The following RALB variants were observed in gnomAD, a reference collection of about 807,000 sequenced individuals.
The protein encoded by RALB is RAS like proto-oncogene B.
Under a neutral mutation model 21.3 loss-of-function variants are expected in RALB, and 16 were observed. The observed-to-expected ratio is 0.75, with a 90% CI of 0.51 to 1.14. The LOEUF (loss-of-function observed/expected upper bound fraction) is 1.14, where lower values mean the gene tolerates loss of function less well. Among genes scored for constraint, RALB ranks in the 50% most tolerant of loss-of-function variants. The pLI is 0.00. For missense variants in RALB, 161 were observed against 256.2 expected (o/e 0.63, Z 2.54); for synonymous variants, 93 against 96.1 (o/e 0.97, Z 0.19).
chr2:120,254,783 G>T (rs4849841), intron 1 of RALB, among the ~76,000 whole-genome samples: 105,609 of 152,016 alleles, frequency 0.69, 37,280 homozygotes, highest in Middle Eastern at 0.8. Context: ...GCTCAGGTGA[G>T]TCTCCCACCT....
Position 120,285,887 on chromosome 2 carries a change from A to G in RALB, c.128A>G (p.Tyr43Cys). ...TTATTTCCTCAGTTTGTAGAAGACT[A>G]TGAACCTACCAAAGCTGACAGTTAT... ...QFMYDEFVED[Y>C]EPTKADSYRK... is the part of the protein sequence containing the mutation. The change falls in exon 3 of 5, where the codon TAT becomes TGT. Residue 43 changes from tyrosine to cysteine, a missense_variant. Transcript: ENST00000272519. 1 of 1,613,124 alleles carries G rather than the reference A, an allele frequency of 6.2e-7. No homozygotes were observed. Among genetic ancestry groups the G allele is most frequent in the Non-Finnish European group, 8.5e-7 (1 of 1,179,108 alleles).
intron 1 of RALB, among the ~76,000 whole-genome samples, chr2:120,259,939 C>T (rs943893963): frequency 3.3e-5 from 5 of 152,214 alleles, no homozygotes; most frequent in Admixed American, 6.5e-5. Flanking sequence ...AGCGCAGTGC[C>T]GGTGGGCCAG....
intron 1 of RALB, among the ~76,000 whole-genome samples, chr2:120,273,597 A>G (rs933484545): frequency 3.9e-5 from 6 of 152,218 alleles, no homozygotes; most frequent in Non-Finnish European, 7.3e-5. Flanking sequence ...GAAAGGATCA[A>G]TTTTAGGGAG....
intron 1 of RALB, among the ~76,000 whole-genome samples, chr2:120,268,777 G>A (rs938332976): frequency 2.0e-5 from 3 of 152,062 alleles, no homozygotes; most frequent in Non-Finnish European, 2.9e-5. Context: ...TTTTTAAAGC[G>A]GAAGAAGAGG....
At chr2:120,288,342 G>GTTTGTTTT (rs1690218094) in intron 3 of RALB, among the ~76,000 whole-genome samples, 3 of 117,092 alleles carry the variant, frequency 2.6e-5, no homozygotes, top group Non-Finnish European at 5.0e-5. Flanking sequence ...GAAAATTTTA[G>GTTTGTTTT]TTTTTTTTTT....
chr2:120,267,954 G>C (rs1427030868), intron 1 of RALB, among the ~76,000 whole-genome samples: 1 of 152,078 alleles, frequency 6.6e-6, no homozygotes, highest in Non-Finnish European at 1.5e-5. Flanking sequence ...ACCATGCCCA[G>C]CTAATTTTTG....
chr2:120,288,665 A>T (rs764942928), intron 3 of RALB, among the ~76,000 whole-genome samples: 5 of 152,186 alleles, frequency 3.3e-5, no homozygotes, highest in Non-Finnish European at 5.9e-5. Context: ...TTTAGTTTTG[A>T]TTAGTACTTT....
chr2:120,265,045 T>A (rs1003414363), intron 1 of RALB, among the ~76,000 whole-genome samples: 1 of 152,276 alleles, frequency 6.6e-6, no homozygotes, highest in African/African-American at 2.4e-5. Flanking sequence ...TGAATAATGC[T>A]GATGTGAACA....
chr2:120,277,437 CTG>C (rs752694768), intron 1 of RALB, among the ~76,000 whole-genome samples: 5 of 146,400 alleles, frequency 3.4e-5, no homozygotes, highest in Admixed American at 6.9e-5. Flanking sequence ...GCCTCTGAGC[CTG>C]TGATATGAGC....
At chr2:120,269,032 C>T (rs1389996776) in intron 1 of RALB, among the ~76,000 whole-genome samples, 1 of 152,184 alleles carries the variant, frequency 6.6e-6, no homozygotes, top group African/African-American at 2.4e-5. Flanking sequence ...TAAATGGATA[C>T]ATCTGGACAT....
chr2:120,266,435 C>G (rs540273216), intron 1 of RALB, among the ~76,000 whole-genome samples: 5 of 152,134 alleles, frequency 3.3e-5, no homozygotes, highest in Non-Finnish European at 5.9e-5. Flanking sequence ...AGTAGAGACG[C>G]AGTTTCACTA....
At chr2:120,282,581 T>TA (rs1176605650) in intron 2 of RALB, among the ~76,000 whole-genome samples, 1 of 110,082 alleles carries the variant, frequency 9.1e-6, no homozygotes, top group Non-Finnish European at 1.9e-5. Flanking sequence ...CGGGGGTGGG[T>TA]AAGAGGAGGG....
chr2:120,279,530 A>G (rs1238133355), intron 2 of RALB, among the ~76,000 whole-genome samples: 1 of 152,256 alleles, frequency 6.6e-6, no homozygotes, highest in Non-Finnish European at 1.5e-5. Context: ...TAGCCTTTAC[A>G]TTGTATTATG....
At chr2:120,278,891 T>G in intron 2 of RALB, 113 bp downstream of exon 2, 1 of 986,686 alleles carries the variant, frequency 1.0e-6, no homozygotes, top group Middle Eastern at 3.5e-4. Flanking sequence ...GGAGCAAGTC[T>G]GTGTTGAGGT....
At position 120,277,991 on chromosome 2, in the gene RALB, ATG is replaced by A. The variant is rs954761393; in HGVS notation, c.-47-620_-47-619del. Among the ~76,000 whole-genome samples the A allele has an allele frequency of 3.5e-4, 44 of 126,990 alleles. 1 individual carries two copies. The highest frequency in any genetic ancestry group is 4.7e-4 in the African/African-American group (15 of 32,012). 83.3% of individuals were successfully genotyped at this position (126,990 alleles called of 152,430 possible). A position where few individuals can be genotyped will look rare whatever the true frequency, so the allele number is the denominator to read the frequency against. Reference sequence around the variant, plus strand: ...TGTGTGTGAATAAGAGCATGTGTGAATGTGTGTGCGAGTGTGTGAGCATGTGT... The same window carrying A: ...TGTGTGTGAATAAGAGCATGTGTGAATGTGTGCGAGTGTGTGAGCATGTGT... On this transcript the variant is annotated intron_variant, in intron 1 of 4. Coordinates refer to ENST00000272519, the MANE Select transcript of RALB (RefSeq NM_002881.3).
intron 3 of RALB, among the ~76,000 whole-genome samples, chr2:120,289,063 G>C (rs1413752467): frequency 6.6e-6 from 1 of 152,112 alleles, no homozygotes; most frequent in Non-Finnish European, 1.5e-5. Flanking sequence ...AGAAACTGCT[G>C]GTTGCGACCC....
Position 120,283,930 on chromosome 2 carries a change from G to A in RALB, c.115-1944G>A, listed in dbSNP as rs116219183. Among the ~76,000 whole-genome samples the A allele has an allele frequency of 9.8e-3, 1,496 of 152,330 alleles. 22 individuals carry two copies. Among genetic ancestry groups the A allele is most frequent in the Non-Finnish European group, 0.015 (1,017 of 68,026 alleles). ...GGGTAATCAGCATACTTTTCATTGA[G>A]TACAGAGGTATGTAGGTACAGCAGG... On this transcript the variant is annotated intron_variant, in intron 2 of 4. Coordinates refer to ENST00000272519, the MANE Select transcript of RALB (RefSeq NM_002881.3).
chr2:120,270,586 C>G (rs1689637275), intron 1 of RALB, among the ~76,000 whole-genome samples: 2 of 147,388 alleles, frequency 1.4e-5, no homozygotes, highest in African/African-American at 2.6e-5. Flanking sequence ...AACAGGGAGA[C>G]ACAACAATGG....
chr2:120,276,498 G>A (rs534188453), intron 1 of RALB, among the ~76,000 whole-genome samples: 1 of 152,102 alleles, frequency 6.6e-6, no homozygotes, highest in East Asian at 1.9e-4. Context: ...AGCTACTCAG[G>A]AGGCTGAGGC....
Sources: allele counts gnomAD v4.1 joint callset (sites outside exome capture counted in the v4.1 genomes callset), GRCh38; gene constraint gnomAD v4.1.1; transcripts MANE v1.5; gene names NCBI Gene and HGNC (gene_info 2026-07-23, HGNC 2026-07-21).